Variants in EZR observed in about 807,000 individuals in gnomAD.
EZR encodes the protein ezrin.
EZR carries 40 observed loss-of-function variants against 74.8 expected under a neutral mutation model. That is an observed-to-expected ratio of 0.53 (90% CI 0.42 to 0.70). The LOEUF (loss-of-function observed/expected upper bound fraction) is 0.70, where lower values mean the gene tolerates loss of function less well. EZR is among the 30% of genes least tolerant of loss of function. EZR has a pLI of 0.00. For missense variants in EZR, 678 were observed against 755.8 expected, an observed-to-expected ratio of 0.90 and a Z score of 1.21; for synonymous variants, 341 against 283.3, an observed-to-expected ratio of 1.20 and a Z score of -2.05.
At chr6:158,771,199 G>A (rs1159202724) in intron 9 of EZR, 45 bp downstream of exon 9, 7 of 1,566,230 alleles carry the variant, frequency 4.5e-6, no homozygotes, top group Non-Finnish European at 6.0e-6. Flanking sequence ...CAGTGGCTGA[G>A]TTGGGAGAAC....
rs1441604382 is a variant in EZR, at chr6:158,770,744, C to A, written c.1090+20G>T. ...GAAATGCATGACCCAGTGTAGAGTG[C>A]CAGCCCCAGGGCGCCTGACCTCTCT... On this transcript the variant is annotated intron_variant, in intron 10 of 13. Transcript: ENST00000367075. The A allele has an allele frequency of 1.9e-6, 3 of 1,613,960 alleles. No homozygotes were observed. Among genetic ancestry groups the A allele is most frequent in the Non-Finnish European group, 2.5e-6 (3 of 1,179,952 alleles).
chr6:158,809,112 A>C (rs556124325), intron 2 of EZR, among the ~76,000 whole-genome samples: 7 of 152,334 alleles, frequency 4.6e-5, no homozygotes, highest in Non-Finnish European at 7.3e-5. Context: ...CACAAAAACA[A>C]CACCTATCCT....
chr6:158,767,544 C>A, intron 12 of EZR, 32 bp from the exon 13 acceptor site: 1 of 1,545,018 alleles, frequency 6.5e-7, no homozygotes, highest in Non-Finnish European at 8.7e-7. Flanking sequence ...GAGGACTTCT[C>A]ACCCAGAAGT....
rs147363369 is a variant in EZR, at chr6:158,811,021, A to T, written c.12+7061T>A. On this transcript the variant is annotated intron_variant, in intron 2 of 13. Transcript: ENST00000367075. ...CTCTTTGTGGTTTCATTTTGAAAAA[A>T]ATTATGTGTATTAACTATATCAAGC... Among the ~76,000 whole-genome samples the T allele has an allele frequency of 5.7e-4, 87 of 152,300 alleles. 1 individual carries two copies. In the East Asian group the frequency reaches 0.011, roughly 20 times the overall value.
intron 4 of EZR, among the ~76,000 whole-genome samples, chr6:158,786,228 G>A (rs1410379105): frequency 6.6e-6 from 1 of 152,078 alleles, no homozygotes; most frequent in African/African-American, 2.4e-5. Context: ...AAAAAAATTA[G>A]CCGGGCATGA....
chr6:158,809,219 G>A (rs1370958619), intron 2 of EZR, among the ~76,000 whole-genome samples: 1 of 109,902 alleles, frequency 9.1e-6, no homozygotes, highest in East Asian at 2.0e-4. Flanking sequence ...GTAAAGTGGG[G>A]CACGGCACAG....
chr6:158,806,153 T>C (rs1278550532), intron 2 of EZR, among the ~76,000 whole-genome samples: 1 of 152,102 alleles, frequency 6.6e-6, no homozygotes, highest in African/African-American at 2.4e-5. Flanking sequence ...AACATGTGCA[T>C]GGAGGGTGAG....
In EZR at chr6:158,766,432, TCAATTTC is replaced by T. The variant is rs535630940; in HGVS notation, c.*475_*481del. The T allele has an allele frequency of 4.5e-5, 7 of 154,208 alleles. No homozygotes were observed. Among genetic ancestry groups the T allele is most frequent in the African/African-American group, 1.7e-4 (7 of 41,590 alleles). 9.6% of individuals were successfully genotyped at this position (154,208 alleles called of 1,614,324 possible). ...CTGTGTGTGCGAGAGTGCTTCAGAC[TCAATTTC>T]CAAAATAATTTTCACCCCTCTAAGC... On this transcript the variant is annotated 3_prime_UTR_variant, in exon 14 of 14. Coordinates refer to ENST00000367075, the MANE Select transcript of EZR (RefSeq NM_001111077.2).
Position 158,771,214 on chromosome 6 carries a change from G to GCC in EZR, c.959+28_959+29dup, listed in dbSNP as rs140375264. On this transcript the variant is annotated intron_variant, in intron 9 of 13. Coordinates refer to ENST00000367075, the MANE Select transcript of EZR (RefSeq NM_001111077.2). The stretch of plus-strand genomic sequence containing the variant: ...CAGTGGCTGAGTTGGGAGAACACAG[G>GCC]CCCCCCCCACTCTGGCCTCACGCGC... 1,275 of 1,569,414 alleles carry GCC rather than the reference G, an allele frequency of 8.1e-4. 6 individuals are homozygous for GCC. The African/African-American group carries it at 0.015, about 19-fold the overall frequency.
Position 158,785,579 on chromosome 6 carries a change from G to C in EZR, c.197C>G (p.Ser66Cys), listed in dbSNP as rs1791557998. The part of the protein sequence containing the change: ...PTWLKLDKKV[S>C]AQEVRKENPL... ...ATTCTCCTTCCTGACCTCCTGGGCA[G>C]ACACCTGCACGAAACAAGCCACACT... The change falls in exon 5 of 14, where the codon TCT (serine) becomes TGT (cysteine). Residue 66 changes from serine (S) to cysteine (C), a missense_variant. By Grantham distance (112) the Ser-to-Cys change is moderately radical (BLOSUM62 -1). Coordinates refer to ENST00000367075, the MANE Select transcript of EZR (RefSeq NM_001111077.2). 6.2e-7 allele frequency: 1 copy of C among 1,613,624 alleles called. No homozygotes were observed. The highest frequency in any genetic ancestry group is 8.5e-7 in the Non-Finnish European group (1 of 1,179,606).
intron 2 of EZR, among the ~76,000 whole-genome samples, chr6:158,802,613 C>G (rs1777210779): frequency 6.6e-6 from 1 of 152,156 alleles, no homozygotes. Flanking sequence ...CTCACTGCAA[C>G]CTCCACCTCC....
chr6:158,804,385 TAA>T (rs780072242), intron 2 of EZR, among the ~76,000 whole-genome samples: 38 of 152,102 alleles, frequency 2.5e-4, no homozygotes, highest in Non-Finnish European at 4.1e-4. Context: ...GCAGGCAAAA[TAA>T]AGAGAAAGGG....
At position 158,784,792 on chromosome 6, in the gene EZR, A is replaced by G. The variant is rs553782337; in HGVS notation, c.468-65T>C. 35 of 1,334,640 alleles carry G rather than the reference A, an allele frequency of 2.6e-5. 1 individual carries two copies. The highest frequency in any genetic ancestry group is 1.9e-4 in the Middle Eastern group (1 of 5,276). The allele number at this position is 1,334,640 out of a possible 1,614,324, so 82.7% of individuals were successfully genotyped here. A position where few individuals can be genotyped will look rare whatever the true frequency, so the allele number is the denominator to read the frequency against. ...ATGTGACAGGCAAGGAAGGAGGCCC[A>G]CTTACCACCCACATTCAAACCCTTA... On this transcript the variant is annotated intron_variant, in intron 5 of 13. Coordinates refer to ENST00000367075, the MANE Select transcript of EZR (RefSeq NM_001111077.2).
At chr6:158,805,164 A>G (rs1777307243) in intron 2 of EZR, among the ~76,000 whole-genome samples, 1 of 151,774 alleles carries the variant, frequency 6.6e-6, no homozygotes, top group Admixed American at 6.6e-5. Flanking sequence ...AACATGGTGA[A>G]ACCATCTCTA....
In EZR at chr6:158,766,642, C is replaced by T. The variant is rs377270609; in HGVS notation, c.*272G>A. The T allele has an allele frequency of 1.7e-5, 7 of 405,514 alleles. No homozygotes were observed. The highest frequency in any genetic ancestry group is 2.6e-5 in the Non-Finnish European group (6 of 227,686). The allele number at this position is 405,514 out of a possible 1,614,324, so 25.1% of individuals were successfully genotyped here. On this transcript the variant is annotated 3_prime_UTR_variant, in exon 14 of 14. Coordinates refer to ENST00000367075, the MANE Select transcript of EZR (RefSeq NM_001111077.2). ...TTACTCAGACTTTACAGGCATTTTCCGTAATTCAATCAGTCCTGCTCCCAG... is the reference window on the plus strand; with the variant it reads ...TTACTCAGACTTTACAGGCATTTTCTGTAATTCAATCAGTCCTGCTCCCAG...
At chr6:158,800,328 G>A (rs888710746) in intron 2 of EZR, among the ~76,000 whole-genome samples, 2 of 152,016 alleles carry the variant, frequency 1.3e-5, no homozygotes, top group Non-Finnish European at 2.9e-5. Flanking sequence ...TCTAATTCCC[G>A]CCCATAGCAG....
chr6:158,818,236 G>T, intron 1 of EZR, 70 bp from the exon 2 acceptor site: 1 of 823,594 alleles, frequency 1.2e-6, no homozygotes, highest in Non-Finnish European at 1.8e-6. Flanking sequence ...CCCGACACTC[G>T]GCGCCCGCAG....
chr6:158,770,525 T>TTAC (rs1262272570), intron 10 of EZR, among the ~76,000 whole-genome samples: 1 of 152,208 alleles, frequency 6.6e-6, no homozygotes, highest in Non-Finnish European at 1.5e-5. Context: ...GATTGAGCAC[T>TTAC]TACCGCAAAA....
At chr6:158,770,040 G>T (rs1264230154) in intron 10 of EZR, 96 bp from the exon 11 acceptor site, 2 of 1,512,600 alleles carry the variant, frequency 1.3e-6, no homozygotes, top group South Asian at 2.4e-5. Flanking sequence ...CAGAGCCCTA[G>T]ACCAAGTCAC....
Sources: gnomAD v4.1 joint callset for allele counts (sites outside exome capture counted in the v4.1 genomes callset) on GRCh38, gnomAD v4.1.1 for gene constraint, MANE v1.5 for transcripts, NCBI Gene and HGNC (gene_info 2026-07-23, HGNC 2026-07-21) for gene names.